The following RPL3 variants were observed in gnomAD, a reference collection of about 807,000 sequenced individuals.
RPL3 encodes the protein large ribosomal subunit protein uL3.
A neutral mutation model predicts 46.0 loss-of-function variants in RPL3; 3 were observed. The ratio of observed to expected loss-of-function variants is 0.07; its 90% confidence interval spans 0.03 to 0.17. The LOEUF (loss-of-function observed/expected upper bound fraction) is 0.17, where lower values mean the gene tolerates loss of function less well. Ranked by LOEUF, RPL3 falls within the 10% of genes least tolerant of loss-of-function variation. RPL3 has a pLI of 1.00. For synonymous variants in RPL3, 224 were observed against 190.8 expected (o/e 1.17, Z -1.43); for missense variants, 387 against 532.7 (o/e 0.73, Z 2.69).
rs1922495147 is a variant in RPL3 at position 39,313,616 on chromosome 22, A to C, written c.1047+18T>G. 6 of 1,611,108 alleles carry C rather than the reference A, an allele frequency of 3.7e-6. No individual in the cohort carries two copies. In the East Asian group the frequency reaches 1.3e-4, roughly 36 times the overall value. Reference sequence around the variant, plus strand: ...CCTCTACAAGAGCCCCCCCATGACAAGTCAGGACCTGCCTCACCTTGCGGA... The same window carrying C: ...CCTCTACAAGAGCCCCCCCATGACACGTCAGGACCTGCCTCACCTTGCGGA... On this transcript the variant is annotated intron_variant, in intron 8 of 9. Transcript: ENST00000216146.
chr22:39,315,581 C>T (rs1334318805), intron 4 of RPL3, 26 bp from the exon 5 acceptor site: 33 of 1,611,844 alleles, frequency 2.0e-5, no homozygotes, highest in Middle Eastern at 3.3e-4. Context: ...CACAGCTCAG[C>T]TCCAGCTGCC....
chr22:39,319,244 G>A (rs1212101821), intron 1 of RPL3: 5 of 509,232 alleles, frequency 9.8e-6, no homozygotes, highest in South Asian at 1.7e-5. Flanking sequence ...TCCACCCAAG[G>A]TCCTTCTACC....
chr22:39,313,757 G>GTCCCCTCCTGGGCCTGT, intron 7 of RPL3, 28 bp from the exon 8 acceptor site: 1 of 1,604,268 alleles, frequency 6.2e-7, no homozygotes, highest in Non-Finnish European at 8.5e-7. Flanking sequence ...GATCAGCACA[G>GTCCCCTCCTGGGCCTGT]GCCCAGGAGG....
Position 39,317,633 on chromosome 22 carries a change from CA to C in RPL3, c.197-5del, listed in dbSNP as rs201453499. On this transcript the variant is annotated splice_polypyrimidine_tract_variant and splice_region_variant and intron_variant, in intron 2 of 9. Transcript: ENST00000216146. ...ACCACCTCCTTCTTGTTCACCTCTG[CA>C]AAAAAAAAGCAGTAGTCAGACTTGG... 6.4e-4 allele frequency: 993 copies of C among 1,557,968 alleles called. No homozygotes were observed. The highest frequency in any genetic ancestry group is 7.3e-4 in the Non-Finnish European group (832 of 1,146,752).
chr22:39,313,849 G>A (rs200578774), intron 7 of RPL3, 120 bp from the exon 8 acceptor site: 19 of 991,182 alleles, frequency 1.9e-5, no homozygotes, highest in African/African-American at 3.2e-5. Flanking sequence ...AACAAGGAAC[G>A]GTTCCGCAGT....
At chr22:39,315,307 C>G in intron 5 of RPL3, 62 bp downstream of exon 5, 1 of 1,607,200 alleles carries the variant, frequency 6.2e-7, no homozygotes, top group Middle Eastern at 1.7e-4. Context: ...CAACGAACAG[C>G]TGGGCCTGAA....
At chr22:39,314,561 A>C (rs1922559671) in intron 6 of RPL3, 125 bp downstream of exon 6, 2 of 1,165,482 alleles carry the variant, frequency 1.7e-6, no homozygotes, top group Non-Finnish European at 2.4e-6. Context: ...CATGAGAAGC[A>C]AGCCACTGAT....
In RPL3 at chr22:39,315,400, G is replaced by A; in HGVS notation, c.657C>T (p.Val219=). 1 of 1,613,996 alleles carries A rather than the reference G, an allele frequency of 6.2e-7. No individual in the cohort carries two copies. The highest frequency in any genetic ancestry group is 8.5e-7 in the Non-Finnish European group (1 of 1,180,048). Residue 219 remains valine, a synonymous_variant, in exon 5 of 10, where the codon GTC becomes GTT. Coordinates refer to ENST00000216146, the MANE Select transcript of RPL3 (RefSeq NM_000967.4). ...AGCCTTTGCCCTTGGTCACCCCGATGACGTCGATCATCTCATCCTGCCCAA... is the reference window on the plus strand; with the variant it reads ...AGCCTTTGCCCTTGGTCACCCCGATAACGTCGATCATCTCATCCTGCCCAA... The part of the protein sequence containing the change: ...QVFGQDEMID[V]IGVTKGKGYK...
chr22:39,319,340 C>T (rs1458614234), intron 1 of RPL3: 3 of 602,462 alleles, frequency 5.0e-6, no homozygotes, highest in South Asian at 2.0e-5. Context: ...GCTTTAAAAA[C>T]GCCGGGCCTC....
At chr22:39,314,476 C>G (rs1378769429) in intron 6 of RPL3, 9 of 661,242 alleles carry the variant, frequency 1.4e-5, no homozygotes, top group Non-Finnish European at 2.0e-5. Flanking sequence ...GTATCCCCAG[C>G]CACACCAGTC....
chr22:39,313,605 C>A lies in RPL3; in HGVS notation c.1047+29G>T, dbSNP rs753169937. On this transcript the variant is annotated intron_variant, in intron 8 of 9. Coordinates refer to ENST00000216146, the MANE Select transcript of RPL3 (RefSeq NM_000967.4). Reference sequence around the variant, plus strand: ...CTTGGATCCTCCCTCTACAAGAGCCCCCCCATGACAAGTCAGGACCTGCCT... The same window carrying A: ...CTTGGATCCTCCCTCTACAAGAGCCACCCCATGACAAGTCAGGACCTGCCT... 6 of 1,602,026 alleles carry A rather than the reference C, an allele frequency of 3.7e-6. No individual in the cohort carries two copies. In the African/African-American group the frequency reaches 8.0e-5, roughly 21 times the overall value.
In RPL3 at chr22:39,319,613, CG is replaced by C; in HGVS notation, c.-17del. The C allele has an allele frequency of 6.4e-7, 1 of 1,554,362 alleles. No individual in the cohort carries two copies. The highest frequency in any genetic ancestry group is 8.7e-7 in the Non-Finnish European group (1 of 1,145,248). ...CACATACCATCACGCCATCAAATCC[CG>C]CCGGTAGAGGCCGGTCGGCCTTACG... On this transcript the variant is annotated 5_prime_UTR_variant, in exon 1 of 10. Coordinates refer to ENST00000216146, the MANE Select transcript of RPL3 (RefSeq NM_000967.4).
At chr22:39,317,408 G>A (rs1209550104) in intron 3 of RPL3, 53 bp downstream of exon 3, 11 of 1,579,888 alleles carry the variant, frequency 7.0e-6, no homozygotes, top group Non-Finnish European at 9.5e-6. Flanking sequence ...GCTGCTCCCT[G>A]CTCTCCAGCT....
chr22:39,318,300 A>T (rs763824982), intron 2 of RPL3, 100 bp downstream of exon 2: 57 of 1,290,368 alleles, frequency 4.4e-5, no homozygotes, highest in Non-Finnish European at 6.0e-5. Flanking sequence ...CTCCTGCTTA[A>T]AAAAAAAAGT....
In RPL3 at chr22:39,319,586, A is replaced by G; in HGVS notation, c.3+9T>C. The G allele has an allele frequency of 1.9e-6, 3 of 1,565,456 alleles. No homozygotes were observed. Among genetic ancestry groups the G allele is most frequent in the East Asian group, 2.4e-5 (1 of 41,920 alleles). ...GTGACAATGAAACGGCCGCCATTACAACACATACCATCACGCCATCAAATC... is the reference window on the plus strand; with the variant it reads ...GTGACAATGAAACGGCCGCCATTACGACACATACCATCACGCCATCAAATC... On this transcript the variant is annotated intron_variant, in intron 1 of 9. Coordinates refer to ENST00000216146, the MANE Select transcript of RPL3 (RefSeq NM_000967.4).
chr22:39,315,618 G>A (rs779445413), intron 4 of RPL3, 63 bp from the exon 5 acceptor site: 6 of 1,581,738 alleles, frequency 3.8e-6, no homozygotes, highest in Admixed American at 1.7e-5. Context: ...CAGAGGAACT[G>A]CAGCTCCATG....
chr22:39,317,108 G>GCA lies in RPL3; in HGVS notation c.366-268_366-267insTG, dbSNP rs143860476. The GCA allele has an allele frequency of 8.2e-3, 4,989 of 605,918 alleles. 110 individuals carry two copies. The highest frequency in any genetic ancestry group is 0.05 in the Admixed American group (1,658 of 33,094). 37.5% of individuals were successfully genotyped at this position (605,918 alleles called of 1,614,324 possible). On this transcript the variant is annotated intron_variant, in intron 3 of 9. Transcript: ENST00000216146. Reference sequence around the variant, plus strand: ...GGACAAACCTTTCTGCCCTGGGGAAGCCCACTCAGTGATGAAGGAAATGGG... The same window carrying GCA: ...GGACAAACCTTTCTGCCCTGGGGAAGCACCCACTCAGTGATGAAGGAAATGGG...
chr22:39,314,730 C>G lies in RPL3; in HGVS notation c.805G>C (p.Ala269Pro). ...CGGTGATGGTAGCCTTTCTGCCCAG[C>G]GCGTGCCACAGAGAAGGCTACACGA... ...PARVAFSVAR[A>P]GQKGYHHRTE... Residue 269 changes from alanine (A) to proline (P), a missense_variant, in exon 6 of 10, where the codon GCT becomes CCT. Transcript: ENST00000216146. 2 of 1,613,626 alleles carry G rather than the reference C, an allele frequency of 1.2e-6. No homozygotes were observed. The highest frequency in any genetic ancestry group is 1.7e-4 in the Middle Eastern group (1 of 5,722).
intron 1 of RPL3, chr22:39,319,332 T>G: frequency 3.3e-6 from 2 of 597,326 alleles, no homozygotes; most frequent in East Asian, 2.8e-5. Context: ...GACTCATGGC[T>G]TTAAAAACGC....
Sources: allele counts gnomAD v4.1 joint callset, GRCh38; gene constraint gnomAD v4.1.1; transcripts MANE v1.5; gene names NCBI Gene and HGNC (gene_info 2026-07-23, HGNC 2026-07-21).